The following MAPK10 variants were observed in gnomAD, a reference collection of about 807,000 sequenced individuals.
The protein encoded by MAPK10 is mitogen-activated protein kinase 10.
MAPK10 carries 25 observed loss-of-function variants against 59.3 expected under a neutral mutation model. That is an observed-to-expected ratio of 0.42 (90% confidence interval 0.31 to 0.59). The LOEUF (loss-of-function observed/expected upper bound fraction) is 0.59. Among genes scored for constraint, MAPK10 ranks in the 20% least tolerant of loss-of-function variants. The probability of loss-of-function intolerance (pLI) is 0.15; values close to 1 mark genes in which losing one functional copy is unlikely to be tolerated. For synonymous variants in MAPK10, 190 were observed against 200.5 expected (o/e 0.95, Z 0.44); for missense variants, 351 against 568.9 (o/e 0.62, Z 3.90).
In MAPK10 at chr4:86,134,710, G is replaced by C. The variant is rs558176441; in HGVS notation, c.236+24588C>G. Among the ~76,000 whole-genome samples, 46 of 152,318 alleles carry C rather than the reference G, an allele frequency of 3.0e-4. 1 individual carries two copies. The highest frequency in any genetic ancestry group is 1.1e-3 in the African/African-American group (46 of 41,566). The stretch of plus-strand genomic sequence containing the variant: ...AGATGGCCGAATAGGAACAGCTCCA[G>C]TCTACAGCTCCCAGCGTGAGCGACA... On this transcript the variant is annotated intron_variant, in intron 4 of 13. Coordinates refer to ENST00000641462, the MANE Select transcript of MAPK10 (RefSeq NM_138982.4).
At chr4:86,201,289 T>A (rs986508494) in intron 2 of MAPK10, among the ~76,000 whole-genome samples, 9 of 151,900 alleles carry the variant, frequency 5.9e-5, no homozygotes, top group Non-Finnish European at 1.3e-4. Flanking sequence ...GTTTAACTTT[T>A]TAAAAGCTGC....
chr4:86,141,210 C>A (rs4352468), intron 4 of MAPK10, among the ~76,000 whole-genome samples: 86,432 of 152,078 alleles, frequency 0.57, 26,673 homozygotes, highest in South Asian at 0.74. Flanking sequence ...CATTACCTTA[C>A]AGAAAGGATA....
intron 2 of MAPK10, among the ~76,000 whole-genome samples, chr4:86,286,841 T>C (rs990265284): frequency 7.9e-5 from 12 of 152,168 alleles, no homozygotes; most frequent in African/African-American, 2.9e-4. Context: ...GTTAGTTTGT[T>C]GATGATGCTT....
At position 86,017,288 on chromosome 4, in the gene MAPK10, CAG is replaced by C; in HGVS notation, c.1333_1334del (p.Leu445GlyfsTer3). On this transcript the variant is annotated frameshift_variant, in exon 14 of 14. Coordinates refer to ENST00000641462, the MANE Select transcript of MAPK10 (RefSeq NM_138982.4). LOFTEE classifies it high-confidence loss of function. This position sits in a 1 kb window ranked among gnomAD's most constrained non-coding sequence, Gnocchi z 4.4. Reference sequence around the variant, plus strand: ...CCAGGCTGCTGTCAGTGTCAGATGCCAGGGTCTGGTCGGTGGACATGGAGGAG... The same window carrying C: ...CCAGGCTGCTGTCAGTGTCAGATGCCGGTCTGGTCGGTGGACATGGAGGAG... ...DISSMSTDQT[L>X]ASDTDSSLEA... is the part of the protein sequence containing the mutation. 1 of 1,614,186 alleles carries C rather than the reference CAG, an allele frequency of 6.2e-7. No individual in the cohort carries two copies. Among genetic ancestry groups the C allele is most frequent in the Non-Finnish European group, 8.5e-7 (1 of 1,180,028 alleles).
chr4:86,026,893 T>A (rs969933368), intron 13 of MAPK10: 1 of 152,180 alleles, frequency 6.6e-6, no homozygotes, highest in African/African-American at 2.4e-5. Context: ...CAATTGGCTC[T>A]GCAGGGGGCA....
chr4:86,561,324 G>A (rs923009386), intron 1 of MAPK10, among the ~76,000 whole-genome samples: 2 of 152,158 alleles, frequency 1.3e-5, no homozygotes, highest in African/African-American at 2.4e-5. Context: ...AAGTTCTTAT[G>A]CTAAAATGTG....
intron 1 of MAPK10, among the ~76,000 whole-genome samples, chr4:86,468,722 C>T (rs1349934581): frequency 1.3e-5 from 2 of 152,096 alleles, no homozygotes; most frequent in African/African-American, 2.4e-5. Context: ...GGCGTGGTGG[C>T]ATGCACCTGT....
intron 9 of MAPK10, among the ~76,000 whole-genome samples, chr4:86,082,861 G>T (rs1290905782): frequency 6.6e-6 from 1 of 152,098 alleles, no homozygotes; most frequent in Non-Finnish European, 1.5e-5. Context: ...ACAGGCTTAT[G>T]GGGGCTGCAC....
chr4:86,370,093 G>A (rs138340927), intron 1 of MAPK10, among the ~76,000 whole-genome samples: 28 of 152,304 alleles, frequency 1.8e-4, no homozygotes, highest in African/African-American at 6.7e-4. Flanking sequence ...TGTAAGCTAT[G>A]AACATTGTCC....
intron 9 of MAPK10, among the ~76,000 whole-genome samples, chr4:86,085,910 C>A (rs2051706549): frequency 6.6e-6 from 1 of 151,830 alleles, no homozygotes; most frequent in Non-Finnish European, 1.5e-5. Context: ...GTGAAATAAG[C>A]GAGGCACAGA....
At chr4:86,452,829 C>G (rs2149056365) in intron 1 of MAPK10, among the ~76,000 whole-genome samples, 1 of 152,136 alleles carries the variant, frequency 6.6e-6, no homozygotes, top group East Asian at 1.9e-4. Context: ...AACTTTTGCT[C>G]CAGAAGGACT....
chr4:86,308,318 GA>G (rs1420585607), intron 2 of MAPK10, among the ~76,000 whole-genome samples: 1 of 152,106 alleles, frequency 6.6e-6, no homozygotes, highest in Non-Finnish European at 1.5e-5. Context: ...ATTGAAAAAA[GA>G]GATTGATTTT....
chr4:86,406,112 T>C (rs540221605), intron 1 of MAPK10, among the ~76,000 whole-genome samples: 95 of 152,268 alleles, frequency 6.2e-4, no homozygotes, highest in African/African-American at 2.3e-3. Context: ...AGGAGAGACC[T>C]ATATATGGAC....
At chr4:86,094,673 T>C (rs1046961361) in intron 9 of MAPK10, among the ~76,000 whole-genome samples, 18 of 151,772 alleles carry the variant, frequency 1.2e-4, no homozygotes, top group Non-Finnish European at 2.5e-4. Context: ...TGGTTGGGGT[T>C]TGGGGTGGTG....
intron 2 of MAPK10, among the ~76,000 whole-genome samples, chr4:86,275,694 GT>G (rs1379302622): frequency 2.6e-5 from 4 of 152,008 alleles, no homozygotes; most frequent in Admixed American, 6.6e-5. Flanking sequence ...TAGAAAATAT[GT>G]ATGAAAATAG....
At chr4:86,242,444 C>A (rs1053036600) in intron 2 of MAPK10, among the ~76,000 whole-genome samples, 2 of 152,190 alleles carry the variant, frequency 1.3e-5, no homozygotes, top group African/African-American at 2.4e-5. Flanking sequence ...CTCAGAACTA[C>A]CAGAAGGAGA....
At chr4:86,284,194 C>T (rs936227704) in intron 2 of MAPK10, among the ~76,000 whole-genome samples, 1 of 152,114 alleles carries the variant, frequency 6.6e-6, no homozygotes, top group Non-Finnish European at 1.5e-5. Context: ...GAGGAACATG[C>T]TATTATTATC....
chr4:86,528,682 A>G (rs925012851), intron 1 of MAPK10, among the ~76,000 whole-genome samples: 2 of 152,164 alleles, frequency 1.3e-5, no homozygotes, highest in Non-Finnish European at 2.9e-5. Flanking sequence ...AGCTGGGCCT[A>G]GAGGCATGTA....
At chr4:86,090,292 T>C (rs141334634) in intron 9 of MAPK10, 15 of 152,204 alleles carry the variant, frequency 9.9e-5, no homozygotes, top group African/African-American at 3.6e-4. Context: ...CAATATAATT[T>C]TGCTCCACTT....
Sources: gnomAD v4.1 joint callset for allele counts (sites outside exome capture counted in the v4.1 genomes callset) on GRCh38, gnomAD v4.1.1 for gene constraint, Gnocchi (gnomAD v3.1) non-coding constraint, MANE v1.5 for transcripts, NCBI Gene and HGNC (gene_info 2026-07-23, HGNC 2026-07-21) for gene names.